GRM8: variants seen among roughly 807,000 people sequenced by gnomAD.
The protein encoded by GRM8 is glutamate metabotropic receptor 8, also known as metabotropic glutamate receptor 8.
Under a neutral mutation model 87.2 loss-of-function variants are expected in GRM8, and 47 were observed. The observed-to-expected ratio is 0.54, with a 90% confidence interval of 0.43 to 0.69. The LOEUF (loss-of-function observed/expected upper bound fraction) is 0.69, where lower values mean the gene tolerates loss of function less well. Among genes scored for constraint, GRM8 ranks in the 30% least tolerant of loss-of-function variants. The probability of loss-of-function intolerance (pLI) is 0.00; values close to 1 mark genes in which losing one functional copy is unlikely to be tolerated. For missense variants in GRM8, 1,019 were observed against 1,139.2 expected, an observed-to-expected ratio of 0.89 and a Z score of 1.52; for synonymous variants, 396 against 404.5, an observed-to-expected ratio of 0.98 and a Z score of 0.25.
intron 8 of GRM8, among the ~76,000 whole-genome samples, chr7:126,559,184 GC>G (rs1793449987): frequency 8.3e-6 from 1 of 120,642 alleles, no homozygotes; most frequent in Admixed American, 9.7e-5. Flanking sequence ...GCAGACCTTT[GC>G]TCTACGGCCC....
intron 2 of GRM8, among the ~76,000 whole-genome samples, chr7:127,204,531 G>A (rs533773512): frequency 6.6e-6 from 1 of 152,204 alleles, no homozygotes; most frequent in South Asian, 2.1e-4. Flanking sequence ...AGCTGTTAAG[G>A]CACTTTTCTG....
At position 126,850,108 on chromosome 7, in the gene GRM8, T is replaced by C. The variant is rs148171695; in HGVS notation, c.1156+52434A>G. ...TTCCTTATCCTCTCCTGAATCTACA[T>C]CAATCATAATTTCCACCATCCAGCT... On this transcript the variant is annotated intron_variant, in intron 6 of 10. Coordinates refer to ENST00000339582, the MANE Select transcript of GRM8 (RefSeq NM_000845.3). Among the ~76,000 whole-genome samples the C allele has an allele frequency of 6.8e-4, 103 of 152,282 alleles. 1 individual carries two copies. Among genetic ancestry groups the C allele is most frequent in the African/African-American group, 2.4e-3 (98 of 41,586 alleles).
At chr7:126,908,076 T>A (rs899163134) in intron 3 of GRM8, among the ~76,000 whole-genome samples, 1 of 152,174 alleles carries the variant, frequency 6.6e-6, no homozygotes, top group Non-Finnish European at 1.5e-5. Flanking sequence ...TGGAAGCAGG[T>A]TGTCTTCAAA....
At chr7:127,014,427 A>C (rs939447418) in intron 3 of GRM8, among the ~76,000 whole-genome samples, 4 of 152,108 alleles carry the variant, frequency 2.6e-5, no homozygotes, top group African/African-American at 9.7e-5. Context: ...ATGTCTCATC[A>C]TGACTTAGTA....
chr7:127,051,204 C>T (rs1254565791), intron 3 of GRM8, among the ~76,000 whole-genome samples: 1 of 152,104 alleles, frequency 6.6e-6, no homozygotes, highest in Admixed American at 6.5e-5. Flanking sequence ...ACACCTGGGC[C>T]CCACTCTGGG....
intron 7 of GRM8, among the ~76,000 whole-genome samples, chr7:126,720,377 A>C (rs1450296637): frequency 6.6e-6 from 1 of 152,024 alleles, no homozygotes; most frequent in Non-Finnish European, 1.5e-5. Context: ...CCCAGGCTCA[A>C]GCGATCCTCC....
chr7:127,080,039 G>C (rs971094215), intron 3 of GRM8, among the ~76,000 whole-genome samples: 2 of 152,144 alleles, frequency 1.3e-5, no homozygotes, highest in Non-Finnish European at 2.9e-5. Context: ...CACTGCAAAG[G>C]AAAATTAAGG....
At chr7:126,901,507 G>A (rs963819820) in intron 6 of GRM8, among the ~76,000 whole-genome samples, 16 of 152,172 alleles carry the variant, frequency 1.1e-4, no homozygotes, top group African/African-American at 3.4e-4. Flanking sequence ...CCTGGCACAT[G>A]GAAGCCTGAA....
chr7:127,072,323 A>C (rs1455837060), intron 3 of GRM8, among the ~76,000 whole-genome samples: 2 of 152,166 alleles, frequency 1.3e-5, no homozygotes, highest in Non-Finnish European at 2.9e-5. Context: ...TCATACCCAC[A>C]AAGAGTTCTT....
At chr7:126,976,271 A>C (rs1403074618) in intron 3 of GRM8, among the ~76,000 whole-genome samples, 5 of 152,212 alleles carry the variant, frequency 3.3e-5, no homozygotes, top group Non-Finnish European at 4.4e-5. Flanking sequence ...GATGTTCTTA[A>C]ATTTTTATGC....
At chr7:126,987,659 T>A (rs1812240371) in intron 3 of GRM8, among the ~76,000 whole-genome samples, 1 of 152,030 alleles carries the variant, frequency 6.6e-6, no homozygotes, top group African/African-American at 2.4e-5. Context: ...GAGATGGGGT[T>A]TCACCATGTT....
chr7:126,533,087 A>G lies in GRM8; in HGVS notation c.2295T>C (p.Val765=), dbSNP rs750448919. The change falls in exon 9 of 11, where the codon GTT becomes GTC. Residue 765 remains valine (V), a synonymous_variant. Coordinates refer to ENST00000339582, the MANE Select transcript of GRM8 (RefSeq NM_000845.3). ...YSILLMVTCT[V]YAIKTRGVPE... ...GGACACCTCTCGTTTTAATGGCATA[A>G]ACAGTACAAGTGACCATCAAGAGGA... 3 of 1,613,528 alleles carry G rather than the reference A, an allele frequency of 1.9e-6. No individual in the cohort carries two copies. Among genetic ancestry groups the G allele is most frequent in the Non-Finnish European group, 2.5e-6 (3 of 1,179,820 alleles).
chr7:126,501,006 T>A (rs1460158817), intron 9 of GRM8, among the ~76,000 whole-genome samples: 2 of 152,036 alleles, frequency 1.3e-5, no homozygotes, highest in African/African-American at 4.8e-5. Context: ...TCCTTTATTC[T>A]TATAATTTTT....
At chr7:126,490,261 CTA>C in intron 9 of GRM8, among the ~76,000 whole-genome samples, 1 of 152,164 alleles carries the variant, frequency 6.6e-6, no homozygotes, top group Admixed American at 6.5e-5. Context: ...TCCAAGTTCT[CTA>C]ATATGACCAC....
chr7:126,752,425 T>C (rs1387828128), intron 7 of GRM8, among the ~76,000 whole-genome samples: 1 of 152,142 alleles, frequency 6.6e-6, no homozygotes, highest in Non-Finnish European at 1.5e-5. Flanking sequence ...CAAGACAAAA[T>C]ATTTTCAGTG....
At chr7:127,121,100 A>G (rs1827060932) in intron 2 of GRM8, among the ~76,000 whole-genome samples, 1 of 152,240 alleles carries the variant, frequency 6.6e-6, no homozygotes, top group Non-Finnish European at 1.5e-5. Context: ...CATTTTCCAT[A>G]GCATTTATAT....
At chr7:126,537,887 C>G (rs949387810) in intron 8 of GRM8, among the ~76,000 whole-genome samples, 2 of 152,106 alleles carry the variant, frequency 1.3e-5, no homozygotes, top group Non-Finnish European at 2.9e-5. Flanking sequence ...CTGTTTATTG[C>G]TATATTAACA....
At chr7:126,646,839 C>A (rs1349131704) in intron 7 of GRM8, among the ~76,000 whole-genome samples, 1 of 152,068 alleles carries the variant, frequency 6.6e-6, no homozygotes, top group Non-Finnish European at 1.5e-5. Context: ...TGGTAATACT[C>A]TTGGTGTTAT....
intron 2 of GRM8, among the ~76,000 whole-genome samples, chr7:127,115,877 G>C (rs1826669205): frequency 6.6e-6 from 1 of 152,172 alleles, no homozygotes; most frequent in African/African-American, 2.4e-5. Context: ...AGCCTTTTGA[G>C]AGGCTGAGGC....
Sources: gnomAD v4.1 joint callset for allele counts (sites outside exome capture counted in the v4.1 genomes callset) on GRCh38, gnomAD v4.1.1 for gene constraint, MANE v1.5 for transcripts, NCBI Gene and HGNC (gene_info 2026-07-23, HGNC 2026-07-21) for gene names.